The following MED24 variants were observed in gnomAD, a reference collection of about 807,000 sequenced individuals.
MED24 encodes the protein mediator of RNA polymerase II transcription subunit 24.
MED24 carries 74 observed loss-of-function variants against 118.8 expected under a neutral mutation model. The ratio of observed to expected loss-of-function variants is 0.62; its 90% CI spans 0.52 to 0.76. The LOEUF (loss-of-function observed/expected upper bound fraction) is 0.76. Among genes scored for constraint, MED24 ranks in the 30% least tolerant of loss-of-function variants. MED24 has a pLI of 0.00. For missense variants in MED24, 1,041 were observed against 1,278.9 expected (o/e 0.81, Z 2.84); for synonymous variants, 521 against 523.9 (o/e 0.99, Z 0.08).
intron 14 of MED24, 46 bp downstream of exon 14, chr17:40,028,780 G>C: frequency 6.2e-7 from 1 of 1,606,762 alleles, no homozygotes; most frequent in South Asian, 1.1e-5. Flanking sequence ...CTCCCAACGC[G>C]CAGCCTCCCT....
chr17:40,036,047 C>G, intron 4 of MED24, 69 bp downstream of exon 4: 3 of 1,510,876 alleles, frequency 2.0e-6, no homozygotes, highest in Non-Finnish European at 2.8e-6. Context: ...GTCACAGCAT[C>G]AGGGCCGTCA....
chr17:40,053,251 T>A lies in MED24; in HGVS notation c.213+47A>T, dbSNP rs764084110. On this transcript the variant is annotated intron_variant, in intron 3 of 25. Coordinates refer to ENST00000394128, the MANE Select transcript of MED24 (RefSeq NM_014815.4). Reference sequence around the variant, plus strand: ...GGGCCCAAATGCACTCCAAGTTTTTTACCCCCAGAACTCTCACTTCTTGGT... The same window carrying A: ...GGGCCCAAATGCACTCCAAGTTTTTAACCCCCAGAACTCTCACTTCTTGGT... The A allele has an allele frequency of 2.6e-6, 4 of 1,524,776 alleles. No homozygotes were observed. The South Asian group carries it at 5.0e-5, about 19-fold the overall frequency. The allele number at this position is 1,524,776 out of a possible 1,614,324, so 94.5% of individuals were successfully genotyped here. A position where few individuals can be genotyped will look rare whatever the true frequency, so the allele number is the denominator to read the frequency against.
chr17:40,044,129 C>CAA (rs1281902358), intron 3 of MED24, among the ~76,000 whole-genome samples: 48 of 28,038 alleles, frequency 1.7e-3, no homozygotes, highest in Admixed American at 2.2e-3. Flanking sequence ...CTCTGTCTCA[C>CAA]AAAAAAAAAA....
Position 40,045,251 on chromosome 17 carries a change from C to A in MED24, c.213+8047G>T, listed in dbSNP as rs190836692. ...ATCACTTGAGGTCAGGAGTTTGAGACCAGCCTGGCCAACATGATGAAACCC... is the reference window on the plus strand; with the variant it reads ...ATCACTTGAGGTCAGGAGTTTGAGAACAGCCTGGCCAACATGATGAAACCC... On this transcript the variant is annotated intron_variant, in intron 3 of 25. Coordinates refer to ENST00000394128, the MANE Select transcript of MED24 (RefSeq NM_014815.4). Among the ~76,000 whole-genome samples the A allele has an allele frequency of 1.6e-3, 242 of 152,054 alleles. 1 individual carries two copies. The highest frequency in any genetic ancestry group is 5.3e-3 in the African/African-American group (221 of 41,492).
chr17:40,025,950 G>A (rs1264189321), intron 19 of MED24, among the ~76,000 whole-genome samples: 1 of 152,132 alleles, frequency 6.6e-6, no homozygotes, highest in Non-Finnish European at 1.5e-5. Flanking sequence ...TGACAACACA[G>A]CAGGTGCTGG....
At chr17:40,026,392 C>A in intron 18 of MED24, 61 bp from the exon 19 acceptor site, 4 of 1,577,074 alleles carry the variant, frequency 2.5e-6, no homozygotes, top group Non-Finnish European at 3.5e-6. Context: ...CCAACATCAC[C>A]TTCTCAGCCT....
Position 40,019,884 on chromosome 17 carries a change from G to A in MED24, c.2754C>T (p.Gly918=). The change falls in exon 25 of 26, where the codon GGC becomes GGT. Residue 918 remains glycine (G), a synonymous_variant. Coordinates refer to ENST00000394128, the MANE Select transcript of MED24 (RefSeq NM_014815.4). ...ISSILGSRTA[G]PHTQFVQWFM... ...ACCACTGCACGAACTGGGTGTGGGG[G>A]CCAGCGGTGCGAGACCCCAGGATGG... 6.3e-7 allele frequency: 1 copy of A among 1,580,476 alleles called. No homozygotes were observed. The highest frequency in any genetic ancestry group is 2.3e-5 in the East Asian group (1 of 43,402).
intron 23 of MED24, among the ~76,000 whole-genome samples, chr17:40,020,891 G>T (rs187513953): frequency 6.6e-6 from 1 of 152,014 alleles, no homozygotes; most frequent in Non-Finnish European, 1.5e-5. Flanking sequence ...TGACCAATAT[G>T]GTGAAACCCC....
intron 19 of MED24, 47 bp from the exon 20 acceptor site, chr17:40,023,442 T>G (rs550806740): frequency 1.2e-5 from 18 of 1,523,464 alleles, no homozygotes; most frequent in Non-Finnish European, 1.3e-5. Context: ...CACTGTAGGG[T>G]GGGGAGGGAG....
At chr17:40,036,271 C>T in intron 3 of MED24, 117 bp from the exon 4 acceptor site, 1 of 962,178 alleles carries the variant, frequency 1.0e-6, no homozygotes, top group Non-Finnish European at 1.6e-6. Flanking sequence ...TTCCACAGGC[C>T]CTCTTCAACC....
chr17:40,049,351 A>G (rs1384099334), intron 3 of MED24, among the ~76,000 whole-genome samples: 1 of 151,960 alleles, frequency 6.6e-6, no homozygotes, highest in African/African-American at 2.4e-5. Flanking sequence ...ACTCTCCTCA[A>G]TGTGCCGGCT....
chr17:40,026,391 C>G lies in MED24; in HGVS notation c.1810-60G>C, dbSNP rs762528406. The G allele has an allele frequency of 5.1e-6, 8 of 1,577,122 alleles. No individual in the cohort carries two copies. In the African/African-American group the frequency reaches 1.1e-4, roughly 21 times the overall value. On this transcript the variant is annotated intron_variant, in intron 18 of 25. Transcript: ENST00000394128. ...ATCTCCCTTTCTTGAGCCAACATCACCTTCTCAGCCTCTGCGGGCAGCTAA... is the reference window on the plus strand; with the variant it reads ...ATCTCCCTTTCTTGAGCCAACATCAGCTTCTCAGCCTCTGCGGGCAGCTAA...
Position 40,053,334 on chromosome 17 carries a change from G to A in MED24, c.177C>T (p.Leu59=), listed in dbSNP as rs146314883. The A allele has an allele frequency of 1.2e-5, 19 of 1,612,588 alleles. No homozygotes were observed. The highest frequency in any genetic ancestry group is 3.4e-6 in the Non-Finnish European group (4 of 1,179,082). ...TGGCATACTTCAGGTAGGACAAGAT[G>A]AGAGGATTGGGGGATGGTCCAATCA... is the stretch of plus-strand genomic sequence containing the variant. ...QAMIGPSPNP[L]ILSYLKYAIS... The change falls in exon 3 of 26, where the codon CTC becomes CTT. Residue 59 remains leucine, a synonymous_variant. Transcript: ENST00000394128.
In MED24 at chr17:40,019,856, T is replaced by C. The variant is rs372662529; in HGVS notation, c.2782A>G (p.Met928Val). ...GPHTQFVQWF[M>V]EECVDCLEQG... ...TCCAGGCAGTCCACACACTCCTCCA[T>C]GAACCACTGCACGAACTGGGTGTGG... The change falls in exon 25 of 26, where the codon ATG becomes GTG. Residue 928 changes from methionine to valine, a missense_variant. By Grantham distance (21) the Met-to-Val change is conservative (BLOSUM62 1). This residue lies in a region of MED24 where 587 missense variants were observed against 694.4 expected (regional missense o/e 0.85). Coordinates refer to ENST00000394128, the MANE Select transcript of MED24 (RefSeq NM_014815.4). The C allele has an allele frequency of 2.7e-5, 43 of 1,595,108 alleles. 1 individual carries two copies. In the East Asian group the frequency reaches 9.1e-4, roughly 34 times the overall value.
rs1247697560 is a variant in MED24, at chr17:40,029,807, T to C, written c.1207A>G (p.Ile403Val). The change falls in exon 13 of 26, where the codon ATC becomes GTC. Residue 403 changes from isoleucine to valine, a missense_variant. Ile to Val is a conservative substitution (Grantham distance 29, BLOSUM62 3). Around this residue, in one of 3 missense-constraint regions of MED24, gnomAD observed 434 missense variants for 514.9 expected, o/e 0.84. Transcript: ENST00000394128. ...PQQKSGENAN[I>V]QPNIQLILRA... ...AGGATCAGCTGGATGTTGGGCTGGA[T>C]GTTGGCATTCTCTCCCGATTTCTGC... The C allele has an allele frequency of 3.7e-6, 6 of 1,614,126 alleles. No homozygotes were observed. The highest frequency in any genetic ancestry group is 5.1e-6 in the Non-Finnish European group (6 of 1,179,992).
chr17:40,038,316 TA>T (rs781485035), intron 3 of MED24, among the ~76,000 whole-genome samples: 23 of 152,296 alleles, frequency 1.5e-4, no homozygotes, highest in Middle Eastern at 3.4e-3. Context: ...AATCTTACCT[TA>T]AAATAAATTT....
At chr17:40,026,027 T>C in intron 19 of MED24, 129 bp downstream of exon 19, 2 of 934,044 alleles carry the variant, frequency 2.1e-6, no homozygotes, top group Non-Finnish European at 3.2e-6. Flanking sequence ...AATGCATGAA[T>C]AGGAAAGTGA....
Position 40,026,694 on chromosome 17 carries a change from T to C in MED24, c.1762A>G (p.Ile588Val). ...ACCCCATTCTCCCAGGCATTGAGGA[T>C]TTCCAAGATGGCGGCTGAGATGCTG... is the stretch of plus-strand genomic sequence containing the variant. ...CLSISAAILE[I>V]LNAWENGVLA... The change falls in exon 18 of 26, where the codon ATC (isoleucine) becomes GTC (valine). Residue 588 changes from isoleucine (I) to valine (V), a missense_variant. Physicochemically the swap from Ile to Val is conservative, Grantham distance 29. Coordinates refer to ENST00000394128, the MANE Select transcript of MED24 (RefSeq NM_014815.4). 1 of 1,612,600 alleles carries C rather than the reference T, an allele frequency of 6.2e-7. No individual in the cohort carries two copies. Among genetic ancestry groups the C allele is most frequent in the Non-Finnish European group, 8.5e-7 (1 of 1,179,328 alleles).
At chr17:40,037,243 G>A (rs1424724161) in intron 3 of MED24, among the ~76,000 whole-genome samples, 1 of 151,576 alleles carries the variant, frequency 6.6e-6, no homozygotes, top group Non-Finnish European at 1.5e-5. Context: ...AAGGAAAGAA[G>A]GAAAGAAGGA....
Sources: allele counts gnomAD v4.1 joint callset (sites outside exome capture counted in the v4.1 genomes callset), GRCh38; gene constraint gnomAD v4.1.1; regional missense constraint gnomAD v4.1.1; transcripts MANE v1.5; gene names NCBI Gene and HGNC (gene_info 2026-07-23, HGNC 2026-07-21).